The following RASSF3 variants were observed in gnomAD, a reference collection of about 807,000 sequenced individuals.
The protein encoded by RASSF3 is ras association domain-containing protein 3.
In RASSF3, 19 loss-of-function variants were observed where a neutral mutation model predicts 19.9. The ratio of observed to expected loss-of-function variants is 0.96; its 90% confidence interval spans 0.67 to 1.40. The LOEUF (loss-of-function observed/expected upper bound fraction) is 1.40. RASSF3 is among the 40% of genes most tolerant of loss of function. The probability of loss-of-function intolerance (pLI) is 0.00; values close to 1 mark genes in which losing one functional copy is unlikely to be tolerated. For missense variants in RASSF3, 306 were observed against 289.8 expected (o/e 1.06, Z -0.41); for synonymous variants, 110 against 104.2 (o/e 1.06, Z -0.34).
upstream of RASSF3, among the ~76,000 whole-genome samples, chr12:64,609,941 T>G (rs78566754): frequency 6.0e-3 from 921 of 152,270 alleles, 10 homozygotes; most frequent in African/African-American, 0.021. Context: ...CAACCCAGTT[T>G]TTGACCTCCC....
chr12:64,534,062 C>A (rs1868771568), intron 1 of RASSF3, among the ~76,000 whole-genome samples: 1 of 150,858 alleles, frequency 6.6e-6, no homozygotes, highest in African/African-American at 2.4e-5. Context: ...AGTTTGAGAC[C>A]AGCCTGGGGA....
intron 1 of RASSF3, among the ~76,000 whole-genome samples, chr12:64,522,874 T>A (rs1274034630): frequency 1.3e-5 from 2 of 152,112 alleles, no homozygotes; most frequent in Non-Finnish European, 2.9e-5. Context: ...TGGGGAAAAG[T>A]GTATCTTCAT....
chr12:64,551,954 C>T (rs888224742), intron 2 of RASSF3, among the ~76,000 whole-genome samples: 7 of 152,294 alleles, frequency 4.6e-5, no homozygotes, highest in African/African-American at 1.4e-4. Flanking sequence ...ACAGCAACGT[C>T]CACCCGCCTT....
chr12:64,635,298 C>T (rs1293903726), intron 1 of RASSF3, among the ~76,000 whole-genome samples: 4 of 151,936 alleles, frequency 2.6e-5, no homozygotes, highest in African/African-American at 9.7e-5. Context: ...TTTTGATGAC[C>T]CCTCGTATCT....
intron 1 of RASSF3, among the ~76,000 whole-genome samples, chr12:64,612,473 G>C (rs1355577312): frequency 1.3e-5 from 2 of 148,802 alleles, no homozygotes; most frequent in Non-Finnish European, 3.0e-5. Context: ...TATGCATTTA[G>C]CGTTTCTTTT....
chr12:64,642,590 AT>A, intron 1 of RASSF3, among the ~76,000 whole-genome samples: 5 of 98,612 alleles, frequency 5.1e-5, no homozygotes, highest in Middle Eastern at 4.7e-3. Flanking sequence ...AAAAAAAAAG[AT>A]TCATCAAAAC....
chr12:64,578,314 A>G (rs1203639415), intron 2 of RASSF3, among the ~76,000 whole-genome samples: 1 of 152,160 alleles, frequency 6.6e-6, no homozygotes, highest in Non-Finnish European at 1.5e-5. Context: ...AATTTATTTA[A>G]TTCCAACGAC....
In RASSF3 at chr12:64,681,816, C is replaced by A. The variant is rs377301005; in HGVS notation, c.112-2971C>A. On this transcript the variant is annotated intron_variant, in intron 1 of 4. Transcript: ENST00000542104. ...CTGCTTGAGCCCAGGAGTTCGAGAGCAGCCTGGGCAACATAGCCAGACGTC... is the reference window on the plus strand; with the variant it reads ...CTGCTTGAGCCCAGGAGTTCGAGAGAAGCCTGGGCAACATAGCCAGACGTC... 3.9e-5 allele frequency among the ~76,000 whole-genome samples: 6 copies of A among 152,204 alleles called. No individual in the cohort carries two copies. In the East Asian group the frequency reaches 1.2e-3, roughly 29 times the overall value.
intron 1 of RASSF3, among the ~76,000 whole-genome samples, chr12:64,619,916 G>A (rs372398476): frequency 1.3e-5 from 2 of 151,012 alleles, no homozygotes; most frequent in East Asian, 3.9e-4. Flanking sequence ...GGAGGTGGAG[G>A]TTGTGGTGAG....
At chr12:64,552,178 G>A (rs1046371803) in intron 2 of RASSF3, among the ~76,000 whole-genome samples, 1 of 152,102 alleles carries the variant, frequency 6.6e-6, no homozygotes, top group Non-Finnish European at 1.5e-5. Flanking sequence ...GGGGAGCCAG[G>A]GCGCTTGGCT....
At chr12:64,527,492 T>C (rs1281982155) in intron 1 of RASSF3, among the ~76,000 whole-genome samples, 1 of 152,234 alleles carries the variant, frequency 6.6e-6, no homozygotes, top group Non-Finnish European at 1.5e-5. Context: ...CCAAATGTCA[T>C]TCACAGGCTA....
intron 1 of RASSF3, among the ~76,000 whole-genome samples, chr12:64,621,011 C>T (rs1470923647): frequency 6.6e-6 from 1 of 152,152 alleles, no homozygotes; most frequent in Non-Finnish European, 1.5e-5. Context: ...TCTTGGCTTA[C>T]TGCAACCTCC....
chr12:64,582,398 A>G (rs559416953), intron 2 of RASSF3, among the ~76,000 whole-genome samples: 1 of 152,058 alleles, frequency 6.6e-6, no homozygotes, highest in Non-Finnish European at 1.5e-5. Context: ...AACTACACTC[A>G]TTTTTCTTTA....
At chr12:64,649,504 T>A (rs558850589) in intron 1 of RASSF3, among the ~76,000 whole-genome samples, 127 of 152,290 alleles carry the variant, frequency 8.3e-4, no homozygotes, top group African/African-American at 2.8e-3. Flanking sequence ...CCATCTGGAT[T>A]TTTAAAAGCA....
chr12:64,535,589 C>T (rs1459277792), intron 1 of RASSF3, among the ~76,000 whole-genome samples: 2 of 152,074 alleles, frequency 1.3e-5, no homozygotes, highest in African/African-American at 2.4e-5. Flanking sequence ...TGGTCTCGAA[C>T]TCCTGGGCTC....
intron 2 of RASSF3, among the ~76,000 whole-genome samples, chr12:64,687,046 GCGTAATCT>G (rs1428259599): frequency 1.4e-4 from 22 of 152,102 alleles, no homozygotes; most frequent in Admixed American, 4.6e-4. Context: ...AAGTGTAATG[GCGTAATCT>G]CGTAATCTCG....
At chr12:64,655,047 C>T (rs1016832586) in intron 1 of RASSF3, 1 of 152,178 alleles carries the variant, frequency 6.6e-6, no homozygotes, top group African/African-American at 2.4e-5. Context: ...CAAGACAAAT[C>T]AGCTCCAAAG....
At chr12:64,638,547 T>C (rs946923582) in intron 1 of RASSF3, among the ~76,000 whole-genome samples, 9 of 146,968 alleles carry the variant, frequency 6.1e-5, no homozygotes, top group Non-Finnish European at 1.2e-4. Context: ...GCCACTGCAC[T>C]GCAGCCTGGG....
chr12:64,693,214 A>G (rs1868310313), intron 4 of RASSF3, among the ~76,000 whole-genome samples: 1 of 136,684 alleles, frequency 7.3e-6, no homozygotes, highest in African/African-American at 2.8e-5. Flanking sequence ...CACTGAGCCC[A>G]TTTGGTGGAT....
Sources: gnomAD v4.1 joint callset for allele counts (sites outside exome capture counted in the v4.1 genomes callset) on GRCh38, gnomAD v4.1.1 for gene constraint, MANE v1.5 for transcripts, NCBI Gene and HGNC (gene_info 2026-07-23, HGNC 2026-07-21) for gene names.